Variants in ARHGAP10 observed in about 807,000 individuals in gnomAD.
ARHGAP10 encodes Rho GTPase activating protein 10, also known as rho GTPase-activating protein 10.
In ARHGAP10, 87 loss-of-function variants were observed where a neutral mutation model predicts 108.6. That is an observed-to-expected ratio of 0.80 (90% CI 0.67 to 0.96). The LOEUF (loss-of-function observed/expected upper bound fraction) is 0.96, where lower values mean the gene tolerates loss of function less well. Ranked by LOEUF, ARHGAP10 falls within the 40% of genes least tolerant of loss-of-function variation. The pLI is 0.00. For synonymous variants in ARHGAP10, 347 were observed against 341.1 expected (o/e 1.02, Z -0.19); for missense variants, 939 against 954.5 (o/e 0.98, Z 0.21).
chr4:147,975,626 G>A (rs910718423), intron 18 of ARHGAP10, among the ~76,000 whole-genome samples: 3 of 152,076 alleles, frequency 2.0e-5, no homozygotes, highest in Non-Finnish European at 4.4e-5. Flanking sequence ...AGTGAGTGAG[G>A]GCCAAACTTG....
At chr4:147,960,448 G>A (rs1009760719) in intron 16 of ARHGAP10, among the ~76,000 whole-genome samples, 2 of 152,092 alleles carry the variant, frequency 1.3e-5, no homozygotes, top group African/African-American at 2.4e-5. Flanking sequence ...TCATAAAATC[G>A]ATGGTAAGGT....
chr4:148,002,083 A>G (rs1279208926), intron 18 of ARHGAP10, among the ~76,000 whole-genome samples: 1 of 152,168 alleles, frequency 6.6e-6, no homozygotes, highest in African/African-American at 2.4e-5. Context: ...TTTGAGATAC[A>G]TCCCATGAAT....
intron 4 of ARHGAP10, among the ~76,000 whole-genome samples, chr4:147,855,842 G>T (rs920407536): frequency 3.3e-5 from 5 of 152,086 alleles, no homozygotes; most frequent in South Asian, 4.2e-4. Context: ...ATACTGTCCT[G>T]GGTTTCCAGA....
At chr4:148,006,872 C>A (rs1740971573) in intron 18 of ARHGAP10, among the ~76,000 whole-genome samples, 1 of 152,248 alleles carries the variant, frequency 6.6e-6, no homozygotes, top group Admixed American at 6.5e-5. Context: ...TTCCATGCAC[C>A]CTTTCCTTCC....
chr4:148,059,809 A>T (rs576360695), intron 20 of ARHGAP10, among the ~76,000 whole-genome samples: 1 of 152,174 alleles, frequency 6.6e-6, no homozygotes, highest in Non-Finnish European at 1.5e-5. Flanking sequence ...AACAGCCTCT[A>T]TTAATCACAG....
At chr4:147,829,632 GA>G (rs1172238583) in intron 3 of ARHGAP10, among the ~76,000 whole-genome samples, 1 of 152,180 alleles carries the variant, frequency 6.6e-6, no homozygotes, top group South Asian at 2.1e-4. Context: ...GTTCTCAGAG[GA>G]AAGGGCTGTG....
intron 18 of ARHGAP10, among the ~76,000 whole-genome samples, chr4:147,997,954 T>C (rs770334473): frequency 1.7e-4 from 26 of 152,100 alleles, no homozygotes; most frequent in Admixed American, 3.3e-4. Context: ...AATTATAGAA[T>C]ATCTAGAAAA....
At chr4:148,000,196 C>T (rs1038892106) in intron 18 of ARHGAP10, among the ~76,000 whole-genome samples, 44 of 151,930 alleles carry the variant, frequency 2.9e-4, no homozygotes, top group African/African-American at 7.7e-4. Flanking sequence ...TTTGTCCTTG[C>T]GATAGTTTGC....
chr4:147,906,624 C>A lies in ARHGAP10; in HGVS notation c.1035-14C>A, dbSNP rs1328260420. The stretch of plus-strand genomic sequence containing the variant: ...GGCCAAGGGGTAACCTGATATGTTA[C>A]TGGTGTCTTTCAGGCCTGGCGTTTC... On this transcript the variant is annotated splice_polypyrimidine_tract_variant and intron_variant, in intron 10 of 22. Coordinates refer to ENST00000336498, the MANE Select transcript of ARHGAP10 (RefSeq NM_024605.4). 2 of 1,613,732 alleles carry A rather than the reference C, an allele frequency of 1.2e-6. No homozygotes were observed. Among genetic ancestry groups the A allele is most frequent in the African/African-American group, 2.7e-5 (2 of 74,888 alleles).
At chr4:147,742,405 A>G (rs1200933441) in intron 1 of ARHGAP10, among the ~76,000 whole-genome samples, 2 of 135,500 alleles carry the variant, frequency 1.5e-5, no homozygotes, top group East Asian at 2.1e-4. Flanking sequence ...TAAAATAACT[A>G]TTTTCCTTTG....
chr4:147,912,967 T>A, intron 12 of ARHGAP10, 107 bp from the exon 13 acceptor site: 2 of 1,113,316 alleles, frequency 1.8e-6, no homozygotes, highest in Admixed American at 4.1e-5. Flanking sequence ...TTTTTAATAG[T>A]AATCTAAAAA....
chr4:147,955,261 C>T, intron 15 of ARHGAP10, 55 bp from the exon 16 acceptor site: 3 of 1,511,616 alleles, frequency 2.0e-6, no homozygotes, highest in East Asian at 2.3e-5. Context: ...TAAAAAAACT[C>T]AGAAGTGACT....
intron 1 of ARHGAP10, among the ~76,000 whole-genome samples, chr4:147,781,877 T>G (rs1442653409): frequency 6.6e-6 from 1 of 152,198 alleles, no homozygotes; most frequent in African/African-American, 2.4e-5. Context: ...TAGTCAGATT[T>G]GTATAATTCT....
chr4:148,068,876 G>A (rs1388411609), intron 22 of ARHGAP10, among the ~76,000 whole-genome samples: 1 of 152,168 alleles, frequency 6.6e-6, no homozygotes, highest in Non-Finnish European at 1.5e-5. Context: ...CCTCTCTTTG[G>A]TGCTACTTGG....
chr4:147,931,158 A>G (rs1737661607), intron 13 of ARHGAP10, among the ~76,000 whole-genome samples: 1 of 152,190 alleles, frequency 6.6e-6, no homozygotes, highest in Admixed American at 6.5e-5. Flanking sequence ...GGGAGATTGG[A>G]GGAGACAGAT....
At chr4:147,887,203 C>A (rs1446635228) in intron 10 of ARHGAP10, among the ~76,000 whole-genome samples, 1 of 152,080 alleles carries the variant, frequency 6.6e-6, no homozygotes, top group Non-Finnish European at 1.5e-5. Context: ...AGAGCTGTTT[C>A]CCGCTCTAGA....
Position 147,965,013 on chromosome 4 carries a change from T to A in ARHGAP10, c.1451-11T>A. The A allele has an allele frequency of 6.6e-7, 1 of 1,523,066 alleles. No individual in the cohort carries two copies. The highest frequency in any genetic ancestry group is 1.3e-5 in the South Asian group (1 of 74,576). 94.3% of individuals were successfully genotyped at this position (1,523,066 alleles called of 1,614,324 possible). A position where few individuals can be genotyped will look rare whatever the true frequency, so the allele number is the denominator to read the frequency against. The stretch of plus-strand genomic sequence containing the variant: ...TTATTTTTTTCTTTATTATTATTTT[T>A]TTTTTGGAAGAAAGCGGCAGCCCAG... On this transcript the variant is annotated splice_polypyrimidine_tract_variant and intron_variant, in intron 16 of 22. Transcript: ENST00000336498.
intron 3 of ARHGAP10, among the ~76,000 whole-genome samples, chr4:147,842,446 A>G (rs1338324675): frequency 1.3e-5 from 2 of 152,060 alleles, no homozygotes; most frequent in East Asian, 3.9e-4. Context: ...ATGTGTCTAT[A>G]TTATTTATAA....
At chr4:147,838,423 T>C (rs1348116073) in intron 3 of ARHGAP10, among the ~76,000 whole-genome samples, 3 of 151,970 alleles carry the variant, frequency 2.0e-5, no homozygotes, top group Non-Finnish European at 2.9e-5. Flanking sequence ...TGATCTGTTA[T>C]CACACCATTG....
Sources: gnomAD v4.1 joint callset for allele counts (sites outside exome capture counted in the v4.1 genomes callset) on GRCh38, gnomAD v4.1.1 for gene constraint, MANE v1.5 for transcripts, NCBI Gene and HGNC (gene_info 2026-07-23, HGNC 2026-07-21) for gene names.